Variants in CDH13 observed in about 807,000 individuals in gnomAD.
CDH13 encodes the protein cadherin-13.
CDH13 carries 24 observed loss-of-function variants against 63.8 expected under a neutral mutation model. The ratio of observed to expected loss-of-function variants is 0.38; its 90% CI spans 0.27 to 0.53. CDH13 has a LOEUF of 0.53. Among genes scored for constraint, CDH13 ranks in the 20% least tolerant of loss-of-function variants. CDH13 has a pLI of 0.85. For missense variants in CDH13, 1,049 were observed against 903.1 expected (o/e 1.16, Z -2.07); for synonymous variants, 503 against 355.3 (o/e 1.42, Z -4.67).
chr16:83,455,631 G>C (rs1004389418), intron 6 of CDH13, among the ~76,000 whole-genome samples: 1 of 152,022 alleles, frequency 6.6e-6, no homozygotes, highest in Admixed American at 6.6e-5. Context: ...TCTGGTATCC[G>C]TCAATCCCTA....
At chr16:83,002,048 C>T (rs368101503) in intron 2 of CDH13, among the ~76,000 whole-genome samples, 1 of 152,182 alleles carries the variant, frequency 6.6e-6, no homozygotes, top group African/African-American at 2.4e-5. Context: ...CTTCAACGTG[C>T]CATACTGTCT....
At chr16:83,352,445 T>G (rs2090972381) in intron 6 of CDH13, among the ~76,000 whole-genome samples, 1 of 152,128 alleles carries the variant, frequency 6.6e-6, no homozygotes, top group Non-Finnish European at 1.5e-5. Context: ...TACCATTTAA[T>G]CCAGCAATCC....
chr16:83,021,434 A>G (rs1239388275), intron 2 of CDH13, among the ~76,000 whole-genome samples: 1 of 152,234 alleles, frequency 6.6e-6, no homozygotes, highest in Non-Finnish European at 1.5e-5. Flanking sequence ...CAAGAGGAGA[A>G]CGTAAGACTG....
chr16:83,040,582 T>C (rs1423847253), intron 3 of CDH13, among the ~76,000 whole-genome samples: 5 of 152,182 alleles, frequency 3.3e-5, no homozygotes, highest in Non-Finnish European at 7.3e-5. Flanking sequence ...GCCAGTCTGC[T>C]CTTTCCATGC....
Position 83,745,618 on chromosome 16 carries a change from T to G in CDH13, c.1539-2490T>G, listed in dbSNP as rs575645928. 3.4e-4 allele frequency among the ~76,000 whole-genome samples: 51 copies of G among 152,226 alleles called. 2 individuals carry two copies. In the South Asian group the frequency reaches 8.3e-3, roughly 25 times the overall value. ...CCCATTCCCTTTGTCAGCCAGCAATTTCTTATTCCCTGGCTCCCCTTCTCA... is the reference window on the plus strand; with the variant it reads ...CCCATTCCCTTTGTCAGCCAGCAATGTCTTATTCCCTGGCTCCCCTTCTCA... On this transcript the variant is annotated intron_variant, in intron 10 of 13. Coordinates refer to ENST00000567109, the MANE Select transcript of CDH13 (RefSeq NM_001257.5).
intron 2 of CDH13, among the ~76,000 whole-genome samples, chr16:82,934,887 C>G (rs2042617056): frequency 6.6e-6 from 1 of 152,232 alleles, no homozygotes; most frequent in Non-Finnish European, 1.5e-5. Flanking sequence ...AGCCATTCAA[C>G]AAGTATCTAG....
At chr16:83,482,339 T>C (rs992482513) in intron 6 of CDH13, among the ~76,000 whole-genome samples, 4 of 152,186 alleles carry the variant, frequency 2.6e-5, no homozygotes, top group Non-Finnish European at 5.9e-5. Flanking sequence ...CACAAAAAGA[T>C]AGACAGTTCT....
At position 82,923,781 on chromosome 16, in the gene CDH13, G is replaced by T. The variant is rs185855867; in HGVS notation, c.157+65308G>T. 6.1e-3 allele frequency among the ~76,000 whole-genome samples: 931 copies of T among 152,152 alleles called. 18 individuals carry two copies. Among genetic ancestry groups the T allele is most frequent in the Middle Eastern group, 0.017 (5 of 294 alleles). On this transcript the variant is annotated intron_variant, in intron 2 of 13. Transcript: ENST00000567109. The stretch of plus-strand genomic sequence containing the variant: ...TTCGCTTCCTCTTTATTTTTTCCTG[G>T]TCTATGATACAGAAAATCGTCTGAA...
chr16:83,576,131 C>T (rs763244423), intron 7 of CDH13, among the ~76,000 whole-genome samples: 2 of 152,196 alleles, frequency 1.3e-5, no homozygotes, highest in Non-Finnish European at 1.5e-5. Flanking sequence ...CAAAAGGAAA[C>T]TCCAGAGCCA....
At chr16:83,169,560 G>GTT (rs61606449) in intron 4 of CDH13, among the ~76,000 whole-genome samples, 34 of 149,010 alleles carry the variant, frequency 2.3e-4, no homozygotes, top group South Asian at 6.4e-4. Flanking sequence ...CAGTGGTAAG[G>GTT]TTTTTTTTTT....
At chr16:82,634,537 G>A (rs376194968) in intron 1 of CDH13, among the ~76,000 whole-genome samples, 7 of 152,308 alleles carry the variant, frequency 4.6e-5, no homozygotes, top group African/African-American at 1.7e-4. Flanking sequence ...TGGCCCGTGA[G>A]CCAATTTCTC....
At chr16:83,120,986 A>T (rs2035544167) in intron 3 of CDH13, among the ~76,000 whole-genome samples, 1 of 150,876 alleles carries the variant, frequency 6.6e-6, no homozygotes, top group South Asian at 2.1e-4. Flanking sequence ...CTGGTCTCGA[A>T]CTCCTGACCT....
chr16:83,779,163 T>G (rs1403610059), intron 11 of CDH13, among the ~76,000 whole-genome samples: 1 of 151,966 alleles, frequency 6.6e-6, no homozygotes, highest in African/African-American at 2.4e-5. Context: ...TCCCAGCACT[T>G]TGGGAGGCCT....
intron 1 of CDH13, among the ~76,000 whole-genome samples, chr16:82,790,111 C>G (rs2036222511): frequency 1.3e-5 from 2 of 152,098 alleles, no homozygotes; most frequent in African/African-American, 4.8e-5. Flanking sequence ...GCCTACACCC[C>G]CCCTCGCAAC....
chr16:83,686,437 A>G (rs1904320787), intron 10 of CDH13, among the ~76,000 whole-genome samples: 1 of 152,244 alleles, frequency 6.6e-6, no homozygotes, highest in Non-Finnish European at 1.5e-5. Context: ...GGACCTGAAT[A>G]CATAGTCTAT....
rs9937448 is a variant in CDH13, at chr16:82,949,881, C to T, written c.158-82129C>T. Among the ~76,000 whole-genome samples, 515 of 152,138 alleles carry T rather than the reference C, an allele frequency of 3.4e-3. 1 individual carries two copies. Among genetic ancestry groups the T allele is most frequent in the African/African-American group, 0.012 (496 of 41,488 alleles). ...AAGCCAGGATCCTGAGTTCAAGATC[C>T]TGACCAATTGGGTGCTTCATTTGAA... is the stretch of plus-strand genomic sequence containing the variant. On this transcript the variant is annotated intron_variant, in intron 2 of 13. Transcript: ENST00000567109.
At chr16:83,495,534 A>G in intron 7 of CDH13, among the ~76,000 whole-genome samples, 1 of 152,240 alleles carries the variant, frequency 6.6e-6, no homozygotes. Flanking sequence ...TGGATCAAGA[A>G]AAAGGCATGA....
Position 83,164,040 on chromosome 16 carries a change from T to C in CDH13, c.483+38539T>C, listed in dbSNP as rs900720431. On this transcript the variant is annotated intron_variant, in intron 4 of 13. Coordinates refer to ENST00000567109, the MANE Select transcript of CDH13 (RefSeq NM_001257.5). ...TCACACCAACACTATAAAAAAGACA[T>C]AGTTGTTATCTGTGTCTTACCCAGC... is the stretch of plus-strand genomic sequence containing the variant. 2.0e-5 allele frequency among the ~76,000 whole-genome samples: 3 copies of C among 151,998 alleles called. No homozygotes were observed. The South Asian group carries it at 6.2e-4, about 32-fold the overall frequency.
At chr16:83,064,861 A>G (rs2031866931) in intron 3 of CDH13, among the ~76,000 whole-genome samples, 1 of 151,998 alleles carries the variant, frequency 6.6e-6, no homozygotes, top group African/African-American at 2.4e-5. Flanking sequence ...TTTTGCTGAG[A>G]CATTTGAAAT....
Sources: gnomAD v4.1 joint callset for allele counts (sites outside exome capture counted in the v4.1 genomes callset) on GRCh38, gnomAD v4.1.1 for gene constraint, MANE v1.5 for transcripts, NCBI Gene and HGNC (gene_info 2026-07-23, HGNC 2026-07-21) for gene names.